IGSF11: variants seen among roughly 807,000 people sequenced by gnomAD.
IGSF11 encodes immunoglobulin superfamily member 11, also known as CXADR like 1.
In IGSF11, 22 loss-of-function variants were observed where a neutral mutation model predicts 41.0. The observed-to-expected ratio is 0.54, with a 90% confidence interval of 0.38 to 0.77. IGSF11 has a LOEUF of 0.77. IGSF11 is among the 30% of genes least tolerant of loss of function. The pLI, the probability that IGSF11 is intolerant of heterozygous loss-of-function variation, is 0.00. For synonymous variants in IGSF11, 219 were observed against 201.3 expected, an observed-to-expected ratio of 1.09 and a Z score of -0.74; for missense variants, 444 against 530.8, an observed-to-expected ratio of 0.84 and a Z score of 1.61.
Position 119,046,754 on chromosome 3 carries a change from T to G in IGSF11, c.49+58390A>C, listed in dbSNP as rs148206502. On this transcript the variant is annotated intron_variant, in intron 1 of 6. Coordinates refer to the IGSF11 transcript ENST00000354673. ...AAGGGCAGCCAGAGAGAGAAAGGTC[T>G]GGTTACCCTCAAAGGGAAGCCCATC... Among the ~76,000 whole-genome samples the G allele has an allele frequency of 3.7e-3, 568 of 152,194 alleles. 3 individuals carry two copies. The highest frequency in any genetic ancestry group is 5.3e-3 in the Non-Finnish European group (362 of 68,016).
chr3:119,068,328 A>C (rs2107462823), intron 1 of IGSF11, among the ~76,000 whole-genome samples: 1 of 152,370 alleles, frequency 6.6e-6, no homozygotes, highest in South Asian at 2.1e-4. Flanking sequence ...GTAATATTTT[A>C]AGCTTGAGTA....
At chr3:119,124,360 G>A (rs549038531) in intron 1 of IGSF11, among the ~76,000 whole-genome samples, 4 of 144,962 alleles carry the variant, frequency 2.8e-5, no homozygotes, top group South Asian at 2.2e-4. Flanking sequence ...TCCACCTCCC[G>A]GGTTCAAGCG....
chr3:118,986,975 G>C (rs1224883373), intron 1 of IGSF11, among the ~76,000 whole-genome samples: 1 of 152,136 alleles, frequency 6.6e-6, no homozygotes, highest in Non-Finnish European at 1.5e-5. Flanking sequence ...GGAGAGTTAT[G>C]GTTAGCAGTT....
intron 4 of IGSF11, among the ~76,000 whole-genome samples, chr3:118,914,475 G>C (rs1401526060): frequency 3.3e-5 from 5 of 151,436 alleles, no homozygotes; most frequent in African/African-American, 9.7e-5. Context: ...TTCTCTTTCC[G>C]AGTCAAAGAA....
chr3:119,108,189 T>TTTCACGATATCA (rs1441797503), upstream of IGSF11, among the ~76,000 whole-genome samples: 1 of 151,670 alleles, frequency 6.6e-6, no homozygotes, highest in Non-Finnish European at 1.5e-5. Flanking sequence ...AGTATGGCCA[T>TTTCACGATATCA]TTTCACGATA....
At chr3:118,942,652 C>T (rs941794578) in intron 1 of IGSF11, among the ~76,000 whole-genome samples, 1 of 152,206 alleles carries the variant, frequency 6.6e-6, no homozygotes, top group Non-Finnish European at 1.5e-5. Context: ...GCCATGAATA[C>T]GACTATGCTG....
intron 1 of IGSF11, among the ~76,000 whole-genome samples, chr3:119,014,741 A>G (rs1938503019): frequency 6.6e-6 from 1 of 152,164 alleles, no homozygotes; most frequent in Non-Finnish European, 1.5e-5. Flanking sequence ...AAGCAGGAGG[A>G]AAGAGTTGAG....
In IGSF11 at chr3:118,930,321, C is replaced by T. The variant is rs766095730; in HGVS notation, c.53-46G>A. On this transcript the variant is annotated intron_variant, in intron 1 of 6. Transcript: ENST00000393775. ...AGGTTATATGCTCGCCCTTTCCCAA[C>T]AGTCCAAACTCCTTCAGGAAGGTTT... 6.4e-6 allele frequency: 10 copies of T among 1,560,490 alleles called. No individual in the cohort carries two copies. In the Admixed American group the frequency reaches 1.1e-4, roughly 18 times the overall value.
At chr3:118,965,557 T>G (rs1480661141) in intron 1 of IGSF11, among the ~76,000 whole-genome samples, 1 of 152,044 alleles carries the variant, frequency 6.6e-6, no homozygotes, top group Non-Finnish European at 1.5e-5. Flanking sequence ...TCATTAAAAT[T>G]CTTGAGGAAA....
chr3:118,909,417 T>A (rs1410374087), intron 4 of IGSF11, among the ~76,000 whole-genome samples: 1 of 152,146 alleles, frequency 6.6e-6, no homozygotes, highest in African/African-American at 2.4e-5. Context: ...TTTAATTTTT[T>A]AAAAATTGTA....
intron 1 of IGSF11, among the ~76,000 whole-genome samples, chr3:119,122,224 G>A (rs1334576595): frequency 6.6e-6 from 1 of 152,178 alleles, no homozygotes; most frequent in Non-Finnish European, 1.5e-5. Context: ...ACATGGCATG[G>A]AAAATCTGTG....
rs142359611 is a variant in IGSF11 at position 119,017,645 on chromosome 3, A to T, written c.52+16886T>A. Reference sequence around the variant, plus strand: ...TTGTTTATAAAATGAAAACAATGCCAGGTTGTGGTAAAAATTAATTATATG... The same window carrying T: ...TTGTTTATAAAATGAAAACAATGCCTGGTTGTGGTAAAAATTAATTATATG... On this transcript the variant is annotated intron_variant, in intron 1 of 6. Transcript: ENST00000393775. Among the ~76,000 whole-genome samples, 1,137 of 152,308 alleles carry T rather than the reference A, an allele frequency of 7.5e-3. 33 individuals carry two copies. The highest frequency in any genetic ancestry group is 0.052 in the Admixed American group (795 of 15,304).
chr3:118,955,207 T>G (rs1203665926), intron 1 of IGSF11, among the ~76,000 whole-genome samples: 1 of 148,410 alleles, frequency 6.7e-6, no homozygotes, highest in Non-Finnish European at 1.5e-5. Context: ...TATGTATGTA[T>G]GTATATGTAC....
At chr3:119,050,051 A>G (rs1941549417) in intron 1 of IGSF11, among the ~76,000 whole-genome samples, 1 of 148,506 alleles carries the variant, frequency 6.7e-6, no homozygotes, top group Non-Finnish European at 1.5e-5. Flanking sequence ...AAACCCTAGA[A>G]GAAAACCTAG....
chr3:118,952,069 G>C (rs763815980), intron 1 of IGSF11, among the ~76,000 whole-genome samples: 1 of 152,012 alleles, frequency 6.6e-6, no homozygotes, highest in Non-Finnish European at 1.5e-5. Context: ...GTGCATATAA[G>C]TTGTATTTAC....
At chr3:118,919,413 GA>G (rs1281511115) in intron 4 of IGSF11, among the ~76,000 whole-genome samples, 1 of 92,810 alleles carries the variant, frequency 1.1e-5, no homozygotes, top group East Asian at 3.1e-4. Flanking sequence ...AAATTTACAA[GA>G]AAAAAACAAA....
chr3:119,075,893 A>G (rs948865635), intron 1 of IGSF11, among the ~76,000 whole-genome samples: 11 of 152,196 alleles, frequency 7.2e-5, no homozygotes, highest in African/African-American at 2.7e-4. Flanking sequence ...CTTTCTTCAC[A>G]GAACTGGAAA....
At chr3:118,968,533 T>C (rs1378548643) in intron 1 of IGSF11, among the ~76,000 whole-genome samples, 1 of 152,194 alleles carries the variant, frequency 6.6e-6, no homozygotes, top group Admixed American at 6.5e-5. Context: ...AATACTGAGC[T>C]AGAATTTAGG....
At chr3:119,102,166 C>A (rs1160348768) in intron 1 of IGSF11, among the ~76,000 whole-genome samples, 3 of 152,170 alleles carry the variant, frequency 2.0e-5, no homozygotes, top group African/African-American at 7.2e-5. Flanking sequence ...ACTGCCACTC[C>A]TTTTGCCATA....
Sources: allele counts gnomAD v4.1 joint callset (sites outside exome capture counted in the v4.1 genomes callset), GRCh38; gene constraint gnomAD v4.1.1; transcripts MANE v1.5; gene names NCBI Gene and HGNC (gene_info 2026-07-23, HGNC 2026-07-21).